The following PTAR1 variants were observed in gnomAD, a reference collection of about 807,000 sequenced individuals.
PTAR1 encodes the protein protein prenyltransferase alpha subunit repeat containing 1.
A neutral mutation model predicts 45.5 loss-of-function variants in PTAR1; 17 were observed. The ratio of observed to expected loss-of-function variants is 0.37; its 90% CI spans 0.26 to 0.56. PTAR1 has a LOEUF of 0.56. Among genes scored for constraint, PTAR1 ranks in the 20% least tolerant of loss-of-function variants. The pLI is 0.77. For synonymous variants in PTAR1, 169 were observed against 171.3 expected (o/e 0.99, Z 0.11); for missense variants, 391 against 476.3 (o/e 0.82, Z 1.67).
chr9:69,728,084 C>A (rs749180824), intron 5 of PTAR1, among the ~76,000 whole-genome samples: 3 of 152,132 alleles, frequency 2.0e-5, no homozygotes, highest in Non-Finnish European at 4.4e-5. Flanking sequence ...TTTCAATCAG[C>A]ATGTTTTCAA....
chr9:69,750,707 CAG>C, intron 2 of PTAR1, 72 bp downstream of exon 2: 1 of 1,061,278 alleles, frequency 9.4e-7, no homozygotes, highest in Non-Finnish European at 1.3e-6. Flanking sequence ...TGCTGACACT[CAG>C]AGAAGGGCTC....
At chr9:69,730,014 T>A (rs1292246179) in intron 5 of PTAR1, among the ~76,000 whole-genome samples, 2 of 152,172 alleles carry the variant, frequency 1.3e-5, no homozygotes, top group African/African-American at 4.8e-5. Context: ...TATATATTTT[T>A]AAGCTGATTT....
In PTAR1 at chr9:69,714,907, G is replaced by A. The variant is rs190438922; in HGVS notation, c.*3435C>T. 6 of 152,142 alleles carry A rather than the reference G, an allele frequency of 3.9e-5. No homozygotes were observed. Among genetic ancestry groups the A allele is most frequent in the South Asian group, 2.1e-4 (1 of 4,820 alleles). 9.4% of individuals were successfully genotyped at this position (152,142 alleles called of 1,614,324 possible). ...ATACAGATTTAAGAAATATCTGAAA[G>A]AGTCACAGTTCAAGTTGCGGGGAAA... On this transcript the variant is annotated 3_prime_UTR_variant, in exon 8 of 8. Transcript: ENST00000340434.
In PTAR1 at chr9:69,750,798, T is replaced by C. The variant is rs753449637; in HGVS notation, c.239A>G (p.Gln80Arg). ...ATACTTACCATCTCTGTTCAGCCAT[T>C]GCTTTCTTGTTCTGTACAAAAGGAG... ...NKLLLYRTRKQWLNRDELIDV... is the reference protein window; with the variant it reads ...NKLLLYRTRKRWLNRDELIDV... Residue 80 changes from glutamine (Q) to arginine (R), a missense_variant, in exon 2 of 8, where the codon CAA (glutamine) becomes CGA (arginine). This residue lies in a region of PTAR1 where 152 missense variants were observed against 160.0 expected (regional missense o/e 0.95). Transcript: ENST00000340434. 6 of 1,606,696 alleles carry C rather than the reference T, an allele frequency of 3.7e-6. No individual in the cohort carries two copies. In the Admixed American group the frequency reaches 6.9e-5, roughly 18 times the overall value.
intron 3 of PTAR1, among the ~76,000 whole-genome samples, chr9:69,740,680 C>G (rs1259723268): frequency 6.6e-6 from 1 of 151,292 alleles, no homozygotes; most frequent in Non-Finnish European, 1.5e-5. Context: ...AAGACATGGT[C>G]CCTGCCCTTA....
rs1445367663 is a variant in PTAR1, at chr9:69,716,124, A to C, written c.*2218T>G. Reference sequence around the variant, plus strand: ...TGACATTTTTTCACATCAAAGCATAAGCCCTATTACTCAAAATGTGAAAAA... The same window carrying C: ...TGACATTTTTTCACATCAAAGCATACGCCCTATTACTCAAAATGTGAAAAA... On this transcript the variant is annotated 3_prime_UTR_variant, in exon 8 of 8. Transcript: ENST00000340434. The C allele has an allele frequency of 6.6e-6, 1 of 152,156 alleles. No individual in the cohort carries two copies. Among genetic ancestry groups the C allele is most frequent in the Non-Finnish European group, 1.5e-5 (1 of 68,018 alleles). 9.4% of individuals were successfully genotyped at this position (152,156 alleles called of 1,614,324 possible).
At chr9:69,732,464 A>G in intron 4 of PTAR1, 112 bp from the exon 5 acceptor site, 1 of 742,642 alleles carries the variant, frequency 1.3e-6, no homozygotes, top group Non-Finnish European at 2.2e-6. Flanking sequence ...AATGCAAAAT[A>G]ATACCTGTTT....
chr9:69,754,532 C>CTTT (rs60025062), intron 1 of PTAR1, among the ~76,000 whole-genome samples: 12 of 76,258 alleles, frequency 1.6e-4, no homozygotes, highest in South Asian at 5.1e-4. Flanking sequence ...GGGTATATAT[C>CTTT]TTTTTTTTTT....
rs768201247 is a variant in PTAR1, at chr9:69,732,277, A to G, written c.504T>C (p.Ile168=). ...TGAGTCGCTGTGCCCTTTCTGTGGG[A>G]ATTGTTCCCAAGTTTCCTTTGGTCA... ...SFVTKGNLGT[I]PTERAQRLIQ... The change falls in exon 5 of 8, where the codon ATT becomes ATC. Residue 168 remains isoleucine (I), a synonymous_variant. Transcript: ENST00000340434. 2 of 1,613,888 alleles carry G rather than the reference A, an allele frequency of 1.2e-6. No homozygotes were observed. The highest frequency in any genetic ancestry group is 3.3e-5 in the Admixed American group (2 of 60,018).
At position 69,753,999 on chromosome 9, in the gene PTAR1, G is replaced by A. The variant is rs139243783; in HGVS notation, c.87-3049C>T. On this transcript the variant is annotated intron_variant, in intron 1 of 7. Coordinates refer to ENST00000340434, the MANE Select transcript of PTAR1 (RefSeq NM_001099666.2). ...GTTAATAATGGAAAGCCGAGGCAAA[G>A]AATTTAAGCCTTTGTCAAGTTATGT... Among the ~76,000 whole-genome samples, 641 of 152,310 alleles carry A rather than the reference G, an allele frequency of 4.2e-3. 6 individuals carry two copies. Among genetic ancestry groups the A allele is most frequent in the African/African-American group, 0.015 (610 of 41,574 alleles).
chr9:69,737,275 C>T (rs1023315204), intron 3 of PTAR1, among the ~76,000 whole-genome samples: 7 of 152,032 alleles, frequency 4.6e-5, no homozygotes, highest in Non-Finnish European at 8.8e-5. Flanking sequence ...GAGACAGGGT[C>T]TCACCATGTT....
chr9:69,747,356 G>A (rs1272489062), intron 2 of PTAR1, among the ~76,000 whole-genome samples: 2 of 152,206 alleles, frequency 1.3e-5, no homozygotes, highest in African/African-American at 4.8e-5. Flanking sequence ...GTGTATGCAC[G>A]TGCATGTGCT....
chr9:69,741,590 T>C (rs2134137712), intron 3 of PTAR1: 2 of 549,412 alleles, frequency 3.6e-6, no homozygotes, highest in Non-Finnish European at 6.5e-6. Flanking sequence ...ACAATTTATA[T>C]TTCAGGCAAG....
Position 69,723,621 on chromosome 9 carries a change from CAAGAAGAATCTTTT to C in PTAR1, c.643-5_651del, listed in dbSNP as rs750939387. ...CAATGTTTAGTAGAAGATAGTTCAT[CAAGAAGAATCTTTT>C]AAGAAGAAAAAAGGGAAGTAAGAAG... On this transcript the variant is annotated splice_acceptor_variant and splice_polypyrimidine_tract_variant and coding_sequence_variant and intron_variant, in exon 6 of 8. Transcript: ENST00000340434. LOFTEE classifies it high-confidence loss of function. 67 of 1,598,104 alleles carry C rather than the reference CAAGAAGAATCTTTT, an allele frequency of 4.2e-5. No homozygotes were observed. Among genetic ancestry groups the C allele is most frequent in the Non-Finnish European group, 5.6e-5 (65 of 1,171,050 alleles).
chr9:69,718,687 G>A lies in PTAR1; in HGVS notation c.948-3C>T, dbSNP rs759615470. 6.5e-7 allele frequency: 1 copy of A among 1,548,988 alleles called. No homozygotes were observed. Among genetic ancestry groups the A allele is most frequent in the South Asian group, 1.2e-5 (1 of 82,856 alleles). On this transcript the variant is annotated splice_region_variant and splice_polypyrimidine_tract_variant and intron_variant, in intron 6 of 7. Transcript: ENST00000340434. ...GCTGAAGGTAGAAAATATGCCGCCTGCGATAGAGAGGGGAAGGAAGAGAAT... is the reference window on the plus strand; with the variant it reads ...GCTGAAGGTAGAAAATATGCCGCCTACGATAGAGAGGGGAAGGAAGAGAAT...
At chr9:69,725,195 C>T (rs1825212486) in intron 5 of PTAR1, among the ~76,000 whole-genome samples, 1 of 152,080 alleles carries the variant, frequency 6.6e-6, no homozygotes, top group Non-Finnish European at 1.5e-5. Context: ...TTAAAATGAA[C>T]TTATATAATA....
chr9:69,722,275 A>T (rs1467652086), intron 6 of PTAR1, among the ~76,000 whole-genome samples: 1 of 152,218 alleles, frequency 6.6e-6, no homozygotes, highest in Non-Finnish European at 1.5e-5. Flanking sequence ...TTACAAATAC[A>T]ATGCTATGGC....
Position 69,712,377 on chromosome 9 carries a change from G to A in PTAR1, c.*5965C>T, listed in dbSNP as rs1003936870. The A allele has an allele frequency of 6.6e-6, 1 of 152,108 alleles. No individual in the cohort carries two copies. The highest frequency in any genetic ancestry group is 2.4e-5 in the African/African-American group (1 of 41,442). 9.4% of individuals were successfully genotyped at this position (152,108 alleles called of 1,614,324 possible). A position where few individuals can be genotyped will look rare whatever the true frequency, so the allele number is the denominator to read the frequency against. On this transcript the variant is annotated 3_prime_UTR_variant, in exon 8 of 8. Transcript: ENST00000340434. The stretch of plus-strand genomic sequence containing the variant: ...AGGTGTTGGTCTAATAAAGAAAACT[G>A]CTTTAAGTAGGAGCACTTTTAGCAT...
chr9:69,732,458 C>A, intron 4 of PTAR1, 106 bp from the exon 5 acceptor site: 1 of 760,358 alleles, frequency 1.3e-6, no homozygotes, highest in South Asian at 1.8e-5. Flanking sequence ...AGAGACAATG[C>A]AAAATAATAC....
Sources: allele counts gnomAD v4.1 joint callset (sites outside exome capture counted in the v4.1 genomes callset), GRCh38; gene constraint gnomAD v4.1.1; regional missense constraint gnomAD v4.1.1; transcripts MANE v1.5; gene names NCBI Gene and HGNC (gene_info 2026-07-23, HGNC 2026-07-21).